The following ARAP2 variants were observed in gnomAD, a reference collection of about 807,000 sequenced individuals.
The protein encoded by ARAP2 is ArfGAP with RhoGAP domain, ankyrin repeat and PH domain 2.
ARAP2 carries 148 observed loss-of-function variants against 194.5 expected under a neutral mutation model. The observed-to-expected ratio is 0.76, with a 90% CI of 0.67 to 0.87. The LOEUF (loss-of-function observed/expected upper bound fraction) is 0.87, where lower values mean the gene tolerates loss of function less well. Ranked by LOEUF, ARAP2 falls within the 40% of genes least tolerant of loss-of-function variation. The pLI is 0.00. For missense variants in ARAP2, 2,128 were observed against 1,989.7 expected (o/e 1.07, Z -1.32); for synonymous variants, 695 against 683.5 (o/e 1.02, Z -0.26).
intron 31 of ARAP2, among the ~76,000 whole-genome samples, chr4:36,078,339 T>A (rs1479830376): frequency 6.6e-6 from 1 of 152,058 alleles, no homozygotes; most frequent in Non-Finnish European, 1.5e-5. Context: ...TCTCTGAGAA[T>A]GGGATATTTA....
chr4:36,097,676 C>T (rs893344934), intron 27 of ARAP2, among the ~76,000 whole-genome samples: 1 of 152,018 alleles, frequency 6.6e-6, no homozygotes, highest in African/African-American at 2.4e-5. Context: ...ATGCACTCCC[C>T]AAAGCACTAA....
At chr4:36,164,091 T>C (rs1472691326) in intron 11 of ARAP2, among the ~76,000 whole-genome samples, 1 of 152,330 alleles carries the variant, frequency 6.6e-6, no homozygotes, top group East Asian at 1.9e-4. Context: ...GTCTCATTAT[T>C]GTGGAGGAAA....
chr4:36,198,449 T>A (rs1039805733), intron 6 of ARAP2, among the ~76,000 whole-genome samples: 2 of 152,338 alleles, frequency 1.3e-5, no homozygotes, highest in Admixed American at 1.3e-4. Context: ...ACCAAGGACC[T>A]GCCCCCTTCT....
chr4:36,207,360 A>G (rs1348885102), intron 6 of ARAP2, among the ~76,000 whole-genome samples: 1 of 152,190 alleles, frequency 6.6e-6, no homozygotes, highest in Non-Finnish European at 1.5e-5. Context: ...CAGCCCCCCA[A>G]ATTCAACATT....
intron 28 of ARAP2, among the ~76,000 whole-genome samples, chr4:36,086,437 G>A (rs957910102): frequency 2.0e-4 from 31 of 152,080 alleles, no homozygotes; most frequent in African/African-American, 7.5e-4. Flanking sequence ...TAATTTGAGA[G>A]GAGATCAGCA....
chr4:36,009,169 A>G lies in ARAP2; in HGVS notation n.1326-2123T>C, dbSNP rs148938294. Among the ~76,000 whole-genome samples, 32 of 152,252 alleles carry G rather than the reference A, an allele frequency of 2.1e-4. 1 individual carries two copies. The highest frequency in any genetic ancestry group is 7.7e-4 in the African/African-American group (32 of 41,550). ...TCCAAGCCCTATGAATTGAACTACC[A>G]TTTGACTCAGCAATCTCATTACTGA... On this transcript the variant is annotated intron_variant and non_coding_transcript_variant, in intron 9 of 12. Transcript: ENST00000503225.
chr4:36,229,777 G>A (rs551513330), intron 1 of ARAP2, 132 bp from the exon 2 acceptor site: 2 of 247,204 alleles, frequency 8.1e-6, no homozygotes, highest in East Asian at 1.6e-4. Flanking sequence ...TTTGTGCATT[G>A]CTTTGCATGC....
At chr4:36,122,837 C>T (rs749438079) in intron 22 of ARAP2, among the ~76,000 whole-genome samples, 16 of 151,582 alleles carry the variant, frequency 1.1e-4, no homozygotes, top group Non-Finnish European at 1.5e-4. Context: ...ATGTAACAGA[C>T]GAGAACTGTA....
intron 23 of ARAP2, among the ~76,000 whole-genome samples, chr4:36,120,029 G>A (rs1236204539): frequency 2.0e-5 from 3 of 151,460 alleles, no homozygotes; most frequent in Non-Finnish European, 3.0e-5. Flanking sequence ...GAGAAACAAA[G>A]CTCATGTATC....
chr4:36,043,410 C>T (rs1000711685), intron 5 of ARAP2, among the ~76,000 whole-genome samples: 1 of 152,130 alleles, frequency 6.6e-6, no homozygotes, highest in Non-Finnish European at 1.5e-5. Flanking sequence ...GTCTATGTCT[C>T]AACATTTAAA....
At chr4:36,043,916 AAGAG>A (rs575255634) in intron 5 of ARAP2, among the ~76,000 whole-genome samples, 1 of 132,320 alleles carries the variant, frequency 7.6e-6, no homozygotes, top group Non-Finnish European at 1.7e-5. Flanking sequence ...GAGAAAGAAA[AAGAG>A]AAAGAAAGAG....
intron 25 of ARAP2, among the ~76,000 whole-genome samples, chr4:36,115,514 C>T (rs1005866059): frequency 1.3e-5 from 2 of 152,004 alleles, no homozygotes; most frequent in Admixed American, 6.6e-5. Flanking sequence ...AACCAGAACT[C>T]TATTCCTTGC....
chr4:36,099,670 A>G lies in ARAP2; in HGVS notation c.4286-7650T>C, dbSNP rs189274944. Among the ~76,000 whole-genome samples the G allele has an allele frequency of 1.9e-4, 29 of 152,244 alleles. No individual in the cohort carries two copies. In the East Asian group the frequency reaches 2.1e-3, roughly 11 times the overall value. On this transcript the variant is annotated intron_variant, in intron 27 of 32. Coordinates refer to ENST00000303965, the MANE Select transcript of ARAP2 (RefSeq NM_015230.4). ...TTCTTCAATCTAGGCAAGAGCTGAA[A>G]CAATACGGTGACTAAGAGCACATTC...
At chr4:36,145,325 T>C (rs2109690587) in intron 19 of ARAP2, among the ~76,000 whole-genome samples, 1 of 152,068 alleles carries the variant, frequency 6.6e-6, no homozygotes, top group African/African-American at 2.4e-5. Context: ...TCGTCATATA[T>C]ACCATGGAAT....
At chr4:36,217,003 A>G (rs1029060727) in intron 2 of ARAP2, among the ~76,000 whole-genome samples, 1 of 152,184 alleles carries the variant, frequency 6.6e-6, no homozygotes, top group Non-Finnish European at 1.5e-5. Context: ...GTGGTGCAGG[A>G]CTGCATATTC....
chr4:36,027,168 C>T (rs1333850361), intron 5 of ARAP2, among the ~76,000 whole-genome samples: 1 of 152,124 alleles, frequency 6.6e-6, no homozygotes, highest in Non-Finnish European at 1.5e-5. Context: ...TTTCTCTGTA[C>T]TTGACGTATG....
chr4:36,199,169 G>A (rs996670821), intron 6 of ARAP2, among the ~76,000 whole-genome samples: 4 of 152,266 alleles, frequency 2.6e-5, no homozygotes, highest in African/African-American at 7.2e-5. Flanking sequence ...TGGCAGCAGC[G>A]GCTCCAGATG....
intron 15 of ARAP2, among the ~76,000 whole-genome samples, chr4:36,155,662 T>A (rs1256632827): frequency 6.6e-6 from 1 of 150,554 alleles, no homozygotes; most frequent in Non-Finnish European, 1.5e-5. Context: ...TTTTTTTTTT[T>A]ATTTTTAATT....
intron 1 of ARAP2, among the ~76,000 whole-genome samples, chr4:36,239,340 G>A (rs1753060881): frequency 6.6e-6 from 1 of 152,024 alleles, no homozygotes; most frequent in Admixed American, 6.6e-5. Flanking sequence ...CTTCAAATGT[G>A]GTGCAAAAGT....
Sources: allele counts gnomAD v4.1 joint callset (sites outside exome capture counted in the v4.1 genomes callset), GRCh38; gene constraint gnomAD v4.1.1; transcripts MANE v1.5; gene names NCBI Gene and HGNC (gene_info 2026-07-23, HGNC 2026-07-21).